The following R3HCC1L variants were observed in gnomAD, a reference collection of about 807,000 sequenced individuals.
R3HCC1L encodes R3H domain and coiled-coil containing 1 like.
A neutral mutation model predicts 59.9 loss-of-function variants in R3HCC1L; 51 were observed. That is an observed-to-expected ratio of 0.85 (90% confidence interval 0.68 to 1.07). R3HCC1L has a LOEUF of 1.07. Among genes scored for constraint, R3HCC1L ranks in the 50% least tolerant of loss-of-function variants. The pLI is 0.00. For missense variants in R3HCC1L, 965 were observed against 933.0 expected, an observed-to-expected ratio of 1.03 and a Z score of -0.45; for synonymous variants, 322 against 315.2, an observed-to-expected ratio of 1.02 and a Z score of -0.23.
chr10:98,206,311 CTTT>C (rs1852651180), intron 4 of R3HCC1L, among the ~76,000 whole-genome samples: 1 of 145,544 alleles, frequency 6.9e-6, no homozygotes, highest in South Asian at 2.2e-4. Context: ...CGTCTTCTGT[CTTT>C]TGTTTGATTC....
intron 4 of R3HCC1L, among the ~76,000 whole-genome samples, chr10:98,191,311 A>T (rs960025903): frequency 1.3e-5 from 2 of 152,168 alleles, no homozygotes; most frequent in African/African-American, 4.8e-5. Context: ...CCTCTCCAGC[A>T]TCTGTTGTTT....
intron 7 of R3HCC1L, among the ~76,000 whole-genome samples, chr10:98,235,137 G>A (rs1422426985): frequency 6.6e-6 from 1 of 152,108 alleles, no homozygotes; most frequent in Non-Finnish European, 1.5e-5. Flanking sequence ...CAAGAAAGCA[G>A]CCATAGACAA....
Position 98,234,477 on chromosome 10 carries a change from G to A in R3HCC1L, c.1993G>A (p.Asp665Asn). The change falls in exon 7 of 10, where the codon GAT (aspartate) becomes AAT (asparagine). Residue 665 changes from aspartate to asparagine, a missense_variant. Physicochemically the swap from Asp to Asn is conservative, Grantham distance 23. Transcript: ENST00000298999. ...AGGATTTGATATTAAATGGGTGGAT[G>A]ATACACATGCCCTAGGAGTATTCTC... ...KKGFDIKWVD[D>N]THALGVFSSP... The A allele has an allele frequency of 6.2e-7, 1 of 1,613,492 alleles. No homozygotes were observed. Among genetic ancestry groups the A allele is most frequent in the Non-Finnish European group, 8.5e-7 (1 of 1,179,708 alleles).
intron 4 of R3HCC1L, among the ~76,000 whole-genome samples, chr10:98,185,570 A>C (rs1850145088): frequency 6.6e-6 from 1 of 152,176 alleles, no homozygotes; most frequent in African/African-American, 2.4e-5. Flanking sequence ...CCAGTAGCTA[A>C]GATGGAAAAC....
At chr10:98,217,579 T>C (rs1420484066) in intron 5 of R3HCC1L, among the ~76,000 whole-genome samples, 1 of 152,178 alleles carries the variant, frequency 6.6e-6, no homozygotes, top group African/African-American at 2.4e-5. Context: ...TGATAGGGAT[T>C]GCATTGAATC....
At chr10:98,232,169 T>C (rs1856473816) in intron 6 of R3HCC1L, among the ~76,000 whole-genome samples, 1 of 152,112 alleles carries the variant, frequency 6.6e-6, no homozygotes. Flanking sequence ...TTGTATTTTT[T>C]TGTAGAGACA....
At chr10:98,153,777 C>A (rs1230459543) in intron 1 of R3HCC1L, among the ~76,000 whole-genome samples, 2 of 149,206 alleles carry the variant, frequency 1.3e-5, no homozygotes, top group African/African-American at 5.0e-5. Flanking sequence ...CACACTCCTG[C>A]ACTTAAAGAA....
At chr10:98,202,028 A>G (rs1564685508) in intron 4 of R3HCC1L, among the ~76,000 whole-genome samples, 2 of 152,190 alleles carry the variant, frequency 1.3e-5, no homozygotes, top group East Asian at 3.9e-4. Flanking sequence ...CAGCCTTCCA[A>G]GAGCTCGGAT....
At chr10:98,198,765 G>A (rs763463960) in intron 4 of R3HCC1L, among the ~76,000 whole-genome samples, 1 of 152,084 alleles carries the variant, frequency 6.6e-6, no homozygotes, top group Non-Finnish European at 1.5e-5. Flanking sequence ...GATTTGGTGT[G>A]TTCCCATGCT....
intron 4 of R3HCC1L, among the ~76,000 whole-genome samples, chr10:98,192,072 G>A (rs557700693): frequency 4.6e-5 from 7 of 152,184 alleles, no homozygotes; most frequent in South Asian, 2.1e-4. Context: ...TGATCCACCC[G>A]CCTCAGCCTC....
chr10:98,197,122 G>T (rs1485438211), intron 4 of R3HCC1L, among the ~76,000 whole-genome samples: 1 of 151,992 alleles, frequency 6.6e-6, no homozygotes, highest in Non-Finnish European at 1.5e-5. Flanking sequence ...GCTATTTTTG[G>T]TATTTTTAGT....
intron 4 of R3HCC1L, among the ~76,000 whole-genome samples, chr10:98,196,993 T>C (rs2135006371): frequency 6.6e-6 from 1 of 152,266 alleles, no homozygotes; most frequent in African/African-American, 2.4e-5. Context: ...CTCAGTTCAC[T>C]GCAGCCTCCA....
At chr10:98,225,784 G>C (rs1439564424) in intron 5 of R3HCC1L, among the ~76,000 whole-genome samples, 2 of 152,188 alleles carry the variant, frequency 1.3e-5, no homozygotes, top group Non-Finnish European at 2.9e-5. Context: ...GACTAGATTA[G>C]AGCAAAGGAG....
chr10:98,191,894 G>A (rs10883051), intron 4 of R3HCC1L, among the ~76,000 whole-genome samples: 19,036 of 152,026 alleles, frequency 0.13, 1,238 homozygotes, highest in Middle Eastern at 0.17. Flanking sequence ...GCGTGATCTC[G>A]GCTCACTGTA....
chr10:98,231,072 A>C (rs980376175), intron 5 of R3HCC1L: 2 of 418,546 alleles, frequency 4.8e-6, no homozygotes, highest in Admixed American at 5.8e-5. Context: ...ATTTTATTTA[A>C]AAACTTTTTT....
chr10:98,208,293 A>C lies in R3HCC1L; in HGVS notation c.179A>C (p.Glu60Ala), dbSNP rs772789148. 2 of 1,614,182 alleles carry C rather than the reference A, an allele frequency of 1.2e-6. No individual in the cohort carries two copies. The highest frequency in any genetic ancestry group is 1.7e-6 in the Non-Finnish European group (2 of 1,180,028). ...AAAGAAAGTTCTCTCTCCCAAAAAG[A>C]AGTCTTTAAAGACAAACCGGAGGCT... ...KQKESSLSQK[E>A]VFKDKPEARR... Residue 60 changes from glutamate to alanine, a missense_variant, in exon 5 of 10, where the codon GAA becomes GCA. Physicochemically the swap from Glu to Ala is moderately radical, Grantham distance 107. Transcript: ENST00000298999.
intron 5 of R3HCC1L, among the ~76,000 whole-genome samples, chr10:98,223,223 A>G (rs1855258129): frequency 6.6e-6 from 1 of 152,218 alleles, no homozygotes; most frequent in African/African-American, 2.4e-5. Flanking sequence ...AAAGCCACGC[A>G]GAGACACAAC....
At chr10:98,235,555 A>T in intron 8 of R3HCC1L, 35 bp downstream of exon 8, 3 of 1,515,050 alleles carry the variant, frequency 2.0e-6, no homozygotes, top group Non-Finnish European at 2.7e-6. Context: ...TTTCTTGCTG[A>T]TGGTGGTATT....
At chr10:98,202,422 G>C (rs1264432106) in intron 4 of R3HCC1L, among the ~76,000 whole-genome samples, 1 of 152,138 alleles carries the variant, frequency 6.6e-6, no homozygotes, top group Admixed American at 6.5e-5. Context: ...CTGAAGGACA[G>C]GTGGAAATCA....
Sources: allele counts gnomAD v4.1 joint callset (sites outside exome capture counted in the v4.1 genomes callset), GRCh38; gene constraint gnomAD v4.1.1; transcripts MANE v1.5; gene names NCBI Gene and HGNC (gene_info 2026-07-23, HGNC 2026-07-21).